Variants in EIF3D observed in about 807,000 individuals in gnomAD.
The protein encoded by EIF3D is eukaryotic translation initiation factor 3 subunit D, also known as eIF3 p66.
In EIF3D, 10 loss-of-function variants were observed where a neutral mutation model predicts 75.4. The observed-to-expected ratio is 0.13, with a 90% CI of 0.08 to 0.22. The LOEUF (loss-of-function observed/expected upper bound fraction) is 0.22, where lower values mean the gene tolerates loss of function less well. Ranked by LOEUF, EIF3D falls within the 10% of genes least tolerant of loss-of-function variation. The pLI is 1.00. For synonymous variants in EIF3D, 246 were observed against 248.3 expected, an observed-to-expected ratio of 0.99 and a Z score of 0.09; for missense variants, 394 against 708.0, an observed-to-expected ratio of 0.56 and a Z score of 5.03.
intron 7 of EIF3D, among the ~76,000 whole-genome samples, chr22:36,520,163 T>TC (rs373810602): frequency 5.3e-5 from 8 of 151,902 alleles, no homozygotes; most frequent in African/African-American, 1.9e-4. Context: ...GGTCTTGATT[T>TC]TTTTTTTTTT....
rs1934552512 is a variant in EIF3D at position 36,523,750 on chromosome 22, T to C, written c.392+145A>G. On this transcript the variant is annotated intron_variant, in intron 5 of 14. Coordinates refer to ENST00000216190, the MANE Select transcript of EIF3D (RefSeq NM_003753.4). ...ATGAACCAGCCTGAGAACGACAAGCTAAAAGGGGGCTTAACTGGTTGTAGA... is the reference window on the plus strand; with the variant it reads ...ATGAACCAGCCTGAGAACGACAAGCCAAAAGGGGGCTTAACTGGTTGTAGA... 6 of 769,212 alleles carry C rather than the reference T, an allele frequency of 7.8e-6. No individual in the cohort carries two copies. The East Asian group carries it at 1.5e-4, about 20-fold the overall frequency. 47.6% of individuals were successfully genotyped at this position (769,212 alleles called of 1,614,324 possible). A position where few individuals can be genotyped will look rare whatever the true frequency, so the allele number is the denominator to read the frequency against.
intron 13 of EIF3D, among the ~76,000 whole-genome samples, chr22:36,512,039 C>A (rs1018318537): frequency 6.6e-6 from 1 of 152,014 alleles, no homozygotes; most frequent in African/African-American, 2.4e-5. Flanking sequence ...TACAGGCGCC[C>A]GCCACTACGC....
At chr22:36,523,748 G>A (rs1227978047) in intron 5 of EIF3D, 147 bp downstream of exon 5, 1 of 753,624 alleles carries the variant, frequency 1.3e-6, no homozygotes, top group Admixed American at 2.1e-5. Flanking sequence ...AGAACGACAA[G>A]CTAAAAGGGG....
chr22:36,518,350 G>C (rs1380595098), intron 9 of EIF3D, among the ~76,000 whole-genome samples: 1 of 151,648 alleles, frequency 6.6e-6, no homozygotes, highest in East Asian at 1.9e-4. Context: ...GTAGCCAGGC[G>C]TAATGGCACA....
intron 10 of EIF3D, 121 bp downstream of exon 10, chr22:36,517,180 G>A: frequency 7.5e-7 from 1 of 1,334,352 alleles, no homozygotes; most frequent in East Asian, 2.4e-5. Context: ...CCCTGCTAAA[G>A]GTGGGGACTG....
intron 5 of EIF3D, 108 bp from the exon 6 acceptor site, chr22:36,523,389 C>G (rs1417540055): frequency 1.2e-5 from 10 of 847,568 alleles, no homozygotes; most frequent in African/African-American, 8.5e-5. Context: ...ACCACTAACT[C>G]CTTTAAACTA....
chr22:36,520,719 A>T (rs759256340), intron 6 of EIF3D, 31 bp from the exon 7 acceptor site: 2 of 1,484,046 alleles, frequency 1.3e-6, no homozygotes, highest in South Asian at 2.3e-5. Context: ...AGGAAAAAAA[A>T]GTTATAGTCC....
chr22:36,526,251 G>C lies in EIF3D; in HGVS notation c.-10-120C>G, dbSNP rs555035513. ...AACTCAAAAAGCAACACGCAAAATG[G>C]AACCCTCAACTGTTGAGCGACTACT... On this transcript the variant is annotated intron_variant, in intron 1 of 14. Coordinates refer to ENST00000216190, the MANE Select transcript of EIF3D (RefSeq NM_003753.4). The C allele has an allele frequency of 1.2e-4, 131 of 1,110,552 alleles. 2 individuals are homozygous for C. In the South Asian group the frequency reaches 2.5e-3, roughly 21 times the overall value. 68.8% of individuals were successfully genotyped at this position (1,110,552 alleles called of 1,614,324 possible).
Position 36,519,503 on chromosome 22 carries a change from C to A in EIF3D, c.613G>T (p.Ala205Ser). 6.2e-7 allele frequency: 1 copy of A among 1,614,092 alleles called. No individual in the cohort carries two copies. The highest frequency in any genetic ancestry group is 1.6e-4 in the Middle Eastern group (1 of 6,062). The change falls in exon 8 of 15, where the codon GCC becomes TCC. Residue 205 changes from alanine (A) to serine (S), a missense_variant. Ala to Ser is a moderately conservative substitution (Grantham distance 99, BLOSUM62 1). Transcript: ENST00000216190. ...CTCCTCGTGGTGATGCGGTCAAAGG[C>A]TTTGTCGTAGTATTCTAGGGCCCCA... ...CCGALEYYDK[A>S]FDRITTRSEK...
Position 36,520,642 on chromosome 22 carries a change from T to C in EIF3D, c.512A>G (p.Lys171Arg), listed in dbSNP as rs762013498. 1 of 1,613,580 alleles carries C rather than the reference T, an allele frequency of 6.2e-7. No individual in the cohort carries two copies. The highest frequency in any genetic ancestry group is 1.1e-5 in the South Asian group (1 of 91,076). Residue 171 changes from lysine (K) to arginine (R), a missense_variant, in exon 7 of 15, where the codon AAA becomes AGA. By Grantham distance (26) the Lys-to-Arg change is conservative. Coordinates refer to ENST00000216190, the MANE Select transcript of EIF3D (RefSeq NM_003753.4). ...CAACTGAGGAAAATCCATTTCCTCT[T>C]TCACTTCCCAATCACTACGAACTTC... ...SVEVRSDWEVKEEMDFPQLMK... is the reference protein window; with the variant it reads ...SVEVRSDWEVREEMDFPQLMK...
intron 6 of EIF3D, among the ~76,000 whole-genome samples, chr22:36,521,336 G>T (rs1374844625): frequency 6.6e-6 from 1 of 152,160 alleles, no homozygotes; most frequent in African/African-American, 2.4e-5. Flanking sequence ...AAGCAAATGG[G>T]GTTCCACTCC....
At chr22:36,514,983 C>T (rs1568998283) in intron 12 of EIF3D, among the ~76,000 whole-genome samples, 1 of 144,336 alleles carries the variant, frequency 6.9e-6, no homozygotes, top group Non-Finnish European at 1.5e-5. Context: ...TACCAACCTC[C>T]CCCCTCTCTT....
At chr22:36,516,161 G>C (rs947055168) in intron 12 of EIF3D, 1 of 235,104 alleles carries the variant, frequency 4.3e-6, no homozygotes, top group Non-Finnish European at 8.2e-6. Flanking sequence ...GATGCTCAGG[G>C]AGCAGAAGTC....
chr22:36,523,212 T>G lies in EIF3D; in HGVS notation c.462A>C (p.Ser154=), dbSNP rs780599473. 2.7e-5 allele frequency: 44 copies of G among 1,613,602 alleles called. No individual in the cohort carries two copies. The highest frequency in any genetic ancestry group is 8.5e-7 in the Non-Finnish European group (1 of 1,179,638). The change falls in exon 6 of 15, where the codon TCA becomes TCC. Residue 154 remains serine, a synonymous_variant. Coordinates refer to ENST00000216190, the MANE Select transcript of EIF3D (RefSeq NM_003753.4). ...FGVRQKWDQK[S]QKPRDSSVEV... ...AATTCTGGTATAAATACATTACCTGTGATTTCTGATCCCATTTCTGCCTAA... is the reference window on the plus strand; with the variant it reads ...AATTCTGGTATAAATACATTACCTGGGATTTCTGATCCCATTTCTGCCTAA...
rs758330057 is a variant in EIF3D at position 36,519,399 on chromosome 22, G to A, written c.711+6C>T. The A allele has an allele frequency of 3.2e-5, 51 of 1,613,970 alleles. No homozygotes were observed. Among genetic ancestry groups the A allele is most frequent in the South Asian group, 2.1e-4 (19 of 91,078 alleles). ...AAGGGGGAGAGGGGCAGAAGGAGGC[G>A]CACACCTTGCGGATGACAGGGTCGT... On this transcript the variant is annotated splice_donor_region_variant and intron_variant, in intron 8 of 14. Transcript: ENST00000216190.
Position 36,516,656 on chromosome 22 carries a change from G to C in EIF3D, c.1076+49C>G, listed in dbSNP as rs776668006. 3 of 1,614,038 alleles carry C rather than the reference G, an allele frequency of 1.9e-6. No homozygotes were observed. In the East Asian group the frequency reaches 6.7e-5, roughly 36 times the overall value. On this transcript the variant is annotated intron_variant, in intron 11 of 14. Transcript: ENST00000216190. ...TGGTCACTGGGGATTCTATAGAGTG[G>C]GGCCCGTGCTCCAGTCTGGCCACAA... is the stretch of plus-strand genomic sequence containing the variant.
rs371162938 is a variant in EIF3D at position 36,511,657 on chromosome 22, G to A, written c.1479C>T (p.Cys493=). The A allele has an allele frequency of 1.4e-5, 22 of 1,613,972 alleles. No homozygotes were observed. Among genetic ancestry groups the A allele is most frequent in the African/African-American group, 1.1e-4 (8 of 74,892 alleles). The change falls in exon 14 of 15, where the codon TGC becomes TGT. Residue 493 remains cysteine (C), a synonymous_variant. Coordinates refer to ENST00000216190, the MANE Select transcript of EIF3D (RefSeq NM_003753.4). ...CCAGCTTCATGCAGATGTCAATGAC[G>A]CAGCGTAAAATGCCCCAGGCATTCT... ...SVENAWGILR[C]VIDICMKLEE...
intron 5 of EIF3D, 82 bp from the exon 6 acceptor site, chr22:36,523,363 G>T: frequency 9.0e-7 from 1 of 1,108,706 alleles, no homozygotes; most frequent in Non-Finnish European, 1.3e-6. Context: ...ATTCTCTTCA[G>T]CTAAACCTTA....
chr22:36,519,494 G>A lies in EIF3D; in HGVS notation c.622C>T (p.Arg208Cys). 1.2e-6 allele frequency: 2 copies of A among 1,614,110 alleles called. No individual in the cohort carries two copies. The highest frequency in any genetic ancestry group is 1.7e-5 in the Admixed American group (1 of 60,002). ...GGCTTCTCACTCCTCGTGGTGATGC[G>A]GTCAAAGGCTTTGTCGTAGTATTCT... is the stretch of plus-strand genomic sequence containing the variant. ...ALEYYDKAFD[R>C]ITTRSEKPLR... Residue 208 changes from arginine (R) to cysteine (C), a missense_variant, in exon 8 of 15, where the codon CGC becomes TGC. Transcript: ENST00000216190.
Sources: gnomAD v4.1 joint callset for allele counts (sites outside exome capture counted in the v4.1 genomes callset) on GRCh38, gnomAD v4.1.1 for gene constraint, MANE v1.5 for transcripts, NCBI Gene and HGNC (gene_info 2026-07-23, HGNC 2026-07-21) for gene names.